Variants in PAPPA observed in about 807,000 individuals in gnomAD.
The protein encoded by PAPPA is pappalysin-1.
Under a neutral mutation model 164.0 loss-of-function variants are expected in PAPPA, and 60 were observed. That is an observed-to-expected ratio of 0.37 (90% CI 0.30 to 0.45). The LOEUF is 0.45. PAPPA is among the 20% of genes least tolerant of loss of function. The pLI is 1.00. For synonymous variants in PAPPA, 875 were observed against 814.1 expected, an observed-to-expected ratio of 1.07 and a Z score of -1.27; for missense variants, 1,782 against 2,087.3, an observed-to-expected ratio of 0.85 and a Z score of 2.85.
Position 116,235,523 on chromosome 9 carries a change from C to A in PAPPA, c.2618C>A (p.Ala873Glu). 2 of 1,613,608 alleles carry A rather than the reference C, an allele frequency of 1.2e-6. No individual in the cohort carries two copies. Among genetic ancestry groups the A allele is most frequent in the South Asian group, 1.1e-5 (1 of 91,030 alleles). ...GATGCTGCCATGTTGACCTCCACTG[C>A]AGACACCCCACTCTGTCTACAGTGT... ...EIDAAMLTST[A>E]DTPLCLQCKP... Residue 873 changes from alanine (A) to glutamate (E), a missense_variant, in exon 7 of 22, where the codon GCA becomes GAA. By Grantham distance (107) the Ala-to-Glu change is moderately radical. Coordinates refer to ENST00000328252, the MANE Select transcript of PAPPA (RefSeq NM_002581.5).
intron 7 of PAPPA, among the ~76,000 whole-genome samples, chr9:116,260,188 G>A (rs1261568979): frequency 6.6e-6 from 1 of 152,104 alleles, no homozygotes; most frequent in Non-Finnish European, 1.5e-5. Flanking sequence ...ATACAGGTGG[G>A]TTTAAACTTG....
At chr9:116,387,280 G>T (rs775045056) in intron 21 of PAPPA, among the ~76,000 whole-genome samples, 3 of 152,270 alleles carry the variant, frequency 2.0e-5, no homozygotes, top group Admixed American at 6.5e-5. Context: ...GCTATGTTTG[G>T]GATTTAGGAT....
intron 1 of PAPPA, among the ~76,000 whole-genome samples, chr9:116,163,681 T>C (rs1843693035): frequency 6.6e-6 from 1 of 152,202 alleles, no homozygotes; most frequent in African/African-American, 2.4e-5. Flanking sequence ...CTCCACTAGG[T>C]GGTGCCTGTG....
chr9:116,228,776 A>G (rs1256555596), intron 6 of PAPPA, among the ~76,000 whole-genome samples: 1 of 152,156 alleles, frequency 6.6e-6, no homozygotes, highest in African/African-American at 2.4e-5. Context: ...AATCCCCTCT[A>G]TGTGCATCCT....
chr9:116,302,700 G>A, intron 9 of PAPPA, 57 bp from the exon 10 acceptor site: 1 of 1,452,120 alleles, frequency 6.9e-7, no homozygotes, highest in Admixed American at 1.8e-5. Flanking sequence ...GATGATTGCT[G>A]AGGCCAAAGA....
chr9:116,354,972 G>A (rs1196762608), intron 17 of PAPPA, among the ~76,000 whole-genome samples: 1 of 151,762 alleles, frequency 6.6e-6, no homozygotes, highest in Non-Finnish European at 1.5e-5. Context: ...AGTTATCCTT[G>A]TACCTTTTTC....
intron 1 of PAPPA, among the ~76,000 whole-genome samples, chr9:116,172,375 C>A (rs1843784496): frequency 6.6e-6 from 1 of 152,196 alleles, no homozygotes; most frequent in African/African-American, 2.4e-5. Context: ...ACCAGGGATG[C>A]TAAACCTCAC....
chr9:116,186,585 C>T (rs946869715), intron 1 of PAPPA, among the ~76,000 whole-genome samples: 5 of 152,134 alleles, frequency 3.3e-5, no homozygotes, highest in Admixed American at 2.6e-4. Context: ...AATTTAATGC[C>T]ACTGATCATT....
At chr9:116,374,849 C>T (rs1270463911) in intron 19 of PAPPA, among the ~76,000 whole-genome samples, 1 of 152,250 alleles carries the variant, frequency 6.6e-6, no homozygotes, top group South Asian at 2.1e-4. Context: ...GCAGGTGATC[C>T]TCTTCACCCA....
intron 2 of PAPPA, among the ~76,000 whole-genome samples, chr9:116,192,039 G>A (rs1237616335): frequency 6.6e-6 from 1 of 152,286 alleles, no homozygotes; most frequent in South Asian, 2.1e-4. Context: ...AGCAAGGGAA[G>A]CAGCCAGGCT....
chr9:116,275,719 A>T (rs1414564100), intron 9 of PAPPA, among the ~76,000 whole-genome samples: 1 of 147,108 alleles, frequency 6.8e-6, no homozygotes, highest in African/African-American at 2.5e-5. Context: ...CTCTTCCTCC[A>T]CCTCTTCTAC....
chr9:116,183,653 T>C (rs1041736239), intron 1 of PAPPA, among the ~76,000 whole-genome samples: 6 of 152,204 alleles, frequency 3.9e-5, no homozygotes, highest in Non-Finnish European at 5.9e-5. Context: ...TCACTACTTA[T>C]ACTCCAGGTA....
intron 1 of PAPPA, among the ~76,000 whole-genome samples, chr9:116,177,672 C>T (rs967801329): frequency 1.3e-5 from 2 of 152,150 alleles, no homozygotes; most frequent in African/African-American, 4.8e-5. Flanking sequence ...TGTCTCCAGG[C>T]TTGATGAGTG....
intron 4 of PAPPA, among the ~76,000 whole-genome samples, chr9:116,214,323 T>G (rs1018859679): frequency 2.6e-5 from 4 of 152,096 alleles, no homozygotes; most frequent in African/African-American, 4.8e-5. Flanking sequence ...TGTATGAAAT[T>G]TTTCATAGGC....
chr9:116,234,384 T>C (rs1159676827), intron 6 of PAPPA, among the ~76,000 whole-genome samples: 1 of 152,158 alleles, frequency 6.6e-6, no homozygotes, highest in African/African-American at 2.4e-5. Flanking sequence ...ATGGAATGAC[T>C]GCATGTAGAG....
At chr9:116,208,526 G>T (rs1318919893) in intron 3 of PAPPA, among the ~76,000 whole-genome samples, 2 of 152,096 alleles carry the variant, frequency 1.3e-5, no homozygotes, top group Non-Finnish European at 2.9e-5. Context: ...CAAGGGCACT[G>T]CCATTTATTT....
intron 7 of PAPPA, among the ~76,000 whole-genome samples, chr9:116,263,591 C>T (rs543668238): frequency 1.3e-5 from 2 of 152,086 alleles, no homozygotes; most frequent in South Asian, 4.2e-4. Flanking sequence ...TAGGCTGGGC[C>T]CATATGTGCT....
At chr9:116,253,557 C>G (rs908814737) in intron 7 of PAPPA, among the ~76,000 whole-genome samples, 2 of 152,046 alleles carry the variant, frequency 1.3e-5, no homozygotes, top group Admixed American at 1.3e-4. Flanking sequence ...AGATCCTTAC[C>G]AACCACCCCT....
intron 5 of PAPPA, among the ~76,000 whole-genome samples, chr9:116,221,046 T>A (rs428386): frequency 0.53 from 80,776 of 151,472 alleles, 22,040 homozygotes; most frequent in East Asian, 0.81. Flanking sequence ...CTGCCCTGAC[T>A]GTTCGTTAAT....
Sources: allele counts gnomAD v4.1 joint callset (sites outside exome capture counted in the v4.1 genomes callset), GRCh38; gene constraint gnomAD v4.1.1; transcripts MANE v1.5; gene names NCBI Gene and HGNC (gene_info 2026-07-23, HGNC 2026-07-21).